Variants in RAD17 observed in about 807,000 individuals in gnomAD.
RAD17 encodes the protein cell cycle checkpoint protein RAD17.
RAD17 carries 31 observed loss-of-function variants against 81.5 expected under a neutral mutation model. The ratio of observed to expected loss-of-function variants is 0.38; its 90% CI spans 0.29 to 0.51. The LOEUF is 0.51. Among genes scored for constraint, RAD17 ranks in the 20% least tolerant of loss-of-function variants. The probability of loss-of-function intolerance (pLI) is 0.88; values close to 1 mark genes in which losing one functional copy is unlikely to be tolerated. For synonymous variants in RAD17, 261 were observed against 266.2 expected (o/e 0.98, Z 0.19); for missense variants, 681 against 781.2 (o/e 0.87, Z 1.53).
chr5:69,392,287 A>C (rs1280699384), intron 13 of RAD17, among the ~76,000 whole-genome samples: 4 of 152,218 alleles, frequency 2.6e-5, no homozygotes. Context: ...AGAGCAGATC[A>C]TCTAGACTTG....
chr5:69,371,231 A>G (rs1267216139), intron 2 of RAD17, 60 bp downstream of exon 2: 2 of 549,108 alleles, frequency 3.6e-6, no homozygotes, highest in Non-Finnish European at 3.4e-6. Context: ...CATTGAGTTC[A>G]TGTGAAAAAC....
chr5:69,385,681 G>T (rs1036870540), intron 8 of RAD17, among the ~76,000 whole-genome samples: 8 of 152,144 alleles, frequency 5.3e-5, no homozygotes, highest in Admixed American at 5.2e-4. Context: ...CAACACAAAG[G>T]CTTTGTAATA....
chr5:69,413,940 G>C, intron 18 of RAD17, 91 bp from the exon 19 acceptor site: 1 of 1,468,022 alleles, frequency 6.8e-7, no homozygotes, highest in South Asian at 1.3e-5. Flanking sequence ...GTAGGTAAAT[G>C]AAAGATGGCT....
rs1412063505 is a variant in RAD17, at chr5:69,387,422, T to G, written c.894+957T>G. 2.0e-5 allele frequency among the ~76,000 whole-genome samples: 3 copies of G among 152,192 alleles called. No individual in the cohort carries two copies. The East Asian group carries it at 5.8e-4, about 29-fold the overall frequency. ...TGAGGGAAATATCCAAGGGAGAGGT[T>G]GTTTTGAGGATTAAATACGTTAGTG... On this transcript the variant is annotated intron_variant, in intron 11 of 18. Coordinates refer to ENST00000354868, the MANE Select transcript of RAD17 (RefSeq NM_133338.3).
intron 6 of RAD17, among the ~76,000 whole-genome samples, chr5:69,380,473 A>G (rs1763783462): frequency 6.6e-6 from 1 of 152,200 alleles, no homozygotes; most frequent in Non-Finnish European, 1.5e-5. Context: ...TATCTGGCAC[A>G]TGACTGTATA....
chr5:69,382,130 T>G, intron 7 of RAD17, 73 bp downstream of exon 7: 2 of 1,481,424 alleles, frequency 1.4e-6, no homozygotes, highest in Non-Finnish European at 1.8e-6. Context: ...GATAAAGTTC[T>G]ATGAGTGCAT....
intron 7 of RAD17, among the ~76,000 whole-genome samples, chr5:69,383,519 C>T (rs1182907050): frequency 3.9e-5 from 6 of 152,078 alleles, no homozygotes; most frequent in Admixed American, 1.3e-4. Context: ...GCTGGGATTA[C>T]AGGCGTCCAC....
intron 5 of RAD17, 85 bp from the exon 6 acceptor site, chr5:69,374,543 A>G: frequency 2.5e-6 from 2 of 809,784 alleles, no homozygotes; most frequent in Non-Finnish European, 3.9e-6. Context: ...TCTTTTCGTT[A>G]ATAATGCTTA....
chr5:69,403,236 T>C (rs936219986), intron 17 of RAD17, among the ~76,000 whole-genome samples: 1 of 152,232 alleles, frequency 6.6e-6, no homozygotes, highest in Non-Finnish European at 1.5e-5. Flanking sequence ...TCCGTGTGTT[T>C]TTAGTCTCCC....
intron 15 of RAD17, among the ~76,000 whole-genome samples, chr5:69,394,683 C>T (rs967955157): frequency 2.6e-5 from 4 of 152,104 alleles, no homozygotes; most frequent in Non-Finnish European, 5.9e-5. Flanking sequence ...TATTGAACAG[C>T]CCAGATACAA....
chr5:69,371,268 A>T lies in RAD17; in HGVS notation c.-280+97A>T, dbSNP rs541695948. 5 of 569,608 alleles carry T rather than the reference A, an allele frequency of 8.8e-6. No homozygotes were observed. The East Asian group carries it at 1.7e-4, about 19-fold the overall frequency. 35.3% of individuals were successfully genotyped at this position (569,608 alleles called of 1,614,324 possible). On this transcript the variant is annotated intron_variant, in intron 2 of 18. Transcript: ENST00000354868. ...CTTAACACCACAAGTAGATTATTTG[A>T]TACAGTTATAGTCATTAAAATTATT... is the stretch of plus-strand genomic sequence containing the variant.
At chr5:69,371,647 A>G (rs927950545) in intron 3 of RAD17, 90 bp downstream of exon 3, 2 of 632,654 alleles carry the variant, frequency 3.2e-6, no homozygotes, top group South Asian at 6.5e-5. Flanking sequence ...ACTGCTATCA[A>G]AGTAATAGAG....
At chr5:69,410,866 T>G (rs1271844595) in intron 18 of RAD17, among the ~76,000 whole-genome samples, 1 of 151,146 alleles carries the variant, frequency 6.6e-6, no homozygotes, top group African/African-American at 2.4e-5. Context: ...AGCCTATGCT[T>G]GAAGACCTGC....
At chr5:69,371,644 T>C (rs1763011629) in intron 3 of RAD17, 87 bp downstream of exon 3, 1 of 677,554 alleles carries the variant, frequency 1.5e-6, no homozygotes, top group Non-Finnish European at 2.1e-6. Context: ...ATTACTGCTA[T>C]CAAAGTAATA....
rs766819498 is a variant in RAD17 at position 69,374,667 on chromosome 5, G to A, written c.307G>A (p.Glu103Lys). Residue 103 changes from glutamate to lysine, a missense_variant, in exon 6 of 19, where the codon GAA (glutamate) becomes AAA (lysine). Transcript: ENST00000354868. ...GCATAAAAAGAAAATTGAAGAAGTC[G>A]AAACCTGGTTAAAAGCTCAAGTTTT... ...AVHKKKIEEV[E>K]TWLKAQVLER... 1.3e-5 allele frequency: 21 copies of A among 1,611,728 alleles called. No individual in the cohort carries two copies. Among genetic ancestry groups the A allele is most frequent in the Admixed American group, 3.4e-5 (2 of 59,560 alleles).
At chr5:69,372,241 CA>C (rs2150761722) in intron 4 of RAD17, 24 bp downstream of exon 4, 1 of 1,549,096 alleles carries the variant, frequency 6.5e-7, no homozygotes, top group East Asian at 2.3e-5. Flanking sequence ...AAATTTTTTC[CA>C]GTGGTCTTCC....
chr5:69,394,906 A>G (rs1764791094), intron 15 of RAD17, among the ~76,000 whole-genome samples: 1 of 152,054 alleles, frequency 6.6e-6, no homozygotes. Context: ...ACAAAAAAAT[A>G]CCAAGAAAAT....
chr5:69,400,760 C>G, intron 17 of RAD17, among the ~76,000 whole-genome samples: 1 of 151,612 alleles, frequency 6.6e-6, no homozygotes, highest in East Asian at 1.9e-4. Flanking sequence ...ATGGTGAAAC[C>G]CTGTCTCTAC....
Position 69,377,624 on chromosome 5 carries a change from CATATAT to C in RAD17, c.351+2916_351+2921del, listed in dbSNP as rs878941680. On this transcript the variant is annotated intron_variant, in intron 6 of 18. Coordinates refer to ENST00000354868, the MANE Select transcript of RAD17 (RefSeq NM_133338.3). ...ATATATATATGTATACATATATATGCATATATATGTATACATATATATATGCATATA... is the reference window on the plus strand; with the variant it reads ...ATATATATATGTATACATATATATGCATGTATACATATATATATGCATATA... 1.2e-3 allele frequency among the ~76,000 whole-genome samples: 2 copies of C among 1,652 alleles called. 1 individual carries two copies. Among genetic ancestry groups the C allele is most frequent in the Non-Finnish European group, 2.0e-3 (2 of 1,002 alleles). The allele number at this position is 1,652 out of a possible 152,430, so 1.1% of individuals were successfully genotyped here. A position where few individuals can be genotyped will look rare whatever the true frequency, so the allele number is the denominator to read the frequency against.
Sources: allele counts gnomAD v4.1 joint callset (sites outside exome capture counted in the v4.1 genomes callset), GRCh38; gene constraint gnomAD v4.1.1; transcripts MANE v1.5; gene names NCBI Gene and HGNC (gene_info 2026-07-23, HGNC 2026-07-21).